DCC: variants seen among roughly 807,000 people sequenced by gnomAD.
The protein encoded by DCC is netrin receptor DCC.
In DCC, 58 loss-of-function variants were observed where a neutral mutation model predicts 172.5. That is an observed-to-expected ratio of 0.34 (90% confidence interval 0.27 to 0.42). DCC has a LOEUF of 0.42. Ranked by LOEUF, DCC falls within the 10% of genes least tolerant of loss-of-function variation. The pLI is 1.00. For synonymous variants in DCC, 709 were observed against 644.5 expected (o/e 1.10, Z -1.52); for missense variants, 1,740 against 1,791.0 (o/e 0.97, Z 0.51).
intron 1 of DCC, among the ~76,000 whole-genome samples, chr18:52,579,621 A>G (rs866774571): frequency 1.6e-4 from 24 of 152,232 alleles, no homozygotes; most frequent in African/African-American, 5.1e-4. Flanking sequence ...CTTATAAACC[A>G]AGAAACCAAG....
At chr18:52,488,879 G>A (rs1471567343) in intron 1 of DCC, among the ~76,000 whole-genome samples, 1 of 151,986 alleles carries the variant, frequency 6.6e-6, no homozygotes, top group Non-Finnish European at 1.5e-5. Context: ...CAGAGATTTG[G>A]TTCAATATAG....
At chr18:52,467,470 G>A (rs1395147141) in intron 1 of DCC, among the ~76,000 whole-genome samples, 4 of 151,956 alleles carry the variant, frequency 2.6e-5, no homozygotes, top group African/African-American at 4.8e-5. Context: ...GGGTTGATTC[G>A]AAGTCTTTGC....
intron 1 of DCC, among the ~76,000 whole-genome samples, chr18:52,527,879 C>T (rs1234182328): frequency 6.6e-6 from 1 of 152,204 alleles, no homozygotes; most frequent in Non-Finnish European, 1.5e-5. Context: ...GGGAGAGCAA[C>T]TGGTCAGATC....
chr18:52,660,133 C>T (rs1457647715), intron 1 of DCC, among the ~76,000 whole-genome samples: 2 of 152,088 alleles, frequency 1.3e-5, no homozygotes, highest in Admixed American at 6.6e-5. Flanking sequence ...CATGCCACCC[C>T]TTTATTTGGT....
intron 5 of DCC, among the ~76,000 whole-genome samples, chr18:53,044,817 A>G (rs2042214761): frequency 6.6e-6 from 1 of 151,894 alleles, no homozygotes; most frequent in Non-Finnish European, 1.5e-5. Flanking sequence ...TAGTAGAAAG[A>G]GTATTCATAT....
chr18:52,736,541 G>T lies in DCC; in HGVS notation c.92-15513G>T, dbSNP rs141837777. ...CATTTTTCATACTGTTTTTTGAACT[G>T]CAGAGAAAAAAAGTTGAAAGGGAAA... is the stretch of plus-strand genomic sequence containing the variant. On this transcript the variant is annotated intron_variant, in intron 1 of 28. Transcript: ENST00000442544. Among the ~76,000 whole-genome samples the T allele has an allele frequency of 7.2e-5, 11 of 152,078 alleles. No individual in the cohort carries two copies. In the East Asian group the frequency reaches 2.1e-3, roughly 29 times the overall value.
At chr18:53,525,592 T>A (rs1369677220) in intron 27 of DCC, among the ~76,000 whole-genome samples, 1 of 152,122 alleles carries the variant, frequency 6.6e-6, no homozygotes, top group Non-Finnish European at 1.5e-5. Flanking sequence ...TTCCTTCAGA[T>A]GACTCCTATT....
At position 52,548,972 on chromosome 18, in the gene DCC, C is replaced by A. The variant is rs551989557; in HGVS notation, c.92-203082C>A. 1.1e-4 allele frequency among the ~76,000 whole-genome samples: 16 copies of A among 152,200 alleles called. No homozygotes were observed. In the East Asian group the frequency reaches 2.9e-3, roughly 28 times the overall value. ...CTTGGATCTAAATATCCCTGCACTG[C>A]ATTCTTCCTACACATATTTCCCTTT... On this transcript the variant is annotated intron_variant, in intron 1 of 28. Transcript: ENST00000442544.
chr18:53,325,586 A>G (rs1305184014), intron 14 of DCC, among the ~76,000 whole-genome samples: 1 of 152,224 alleles, frequency 6.6e-6, no homozygotes, highest in Non-Finnish European at 1.5e-5. Flanking sequence ...AATGCAGTCT[A>G]ACTGTAATCC....
intron 1 of DCC, among the ~76,000 whole-genome samples, chr18:52,445,009 A>G (rs1988078113): frequency 6.6e-6 from 1 of 152,176 alleles, no homozygotes; most frequent in Admixed American, 6.6e-5. Context: ...TAATTTACAA[A>G]AGCAATGCAT....
chr18:53,017,232 T>G (rs2041821348), intron 5 of DCC, among the ~76,000 whole-genome samples: 1 of 151,996 alleles, frequency 6.6e-6, no homozygotes, highest in African/African-American at 2.4e-5. Context: ...CCCGCCAAAG[T>G]TGGGTGAAGG....
chr18:53,310,190 C>T (rs1306309682), intron 13 of DCC, among the ~76,000 whole-genome samples: 1 of 151,950 alleles, frequency 6.6e-6, no homozygotes, highest in Non-Finnish European at 1.5e-5. Flanking sequence ...GCGCTACATA[C>T]TTGTAGATTG....
At position 53,305,615 on chromosome 18, in the gene DCC, C is replaced by T; in HGVS notation, c.1949C>T (p.Thr650Ile). Residue 650 changes from threonine (T) to isoleucine (I), a missense_variant, in exon 13 of 29, where the codon ACA becomes ATA. Physicochemically the swap from Thr to Ile is moderately conservative, Grantham distance 89. Transcript: ENST00000442544. The stretch of plus-strand genomic sequence containing the variant: ...AGCTGGCTGCCTCCTCCATCAGGAA[C>T]ACAAAATGGATTTATTACCGGCTAT... ...KVSWLPPPSG[T>I]QNGFITGYKI... The T allele has an allele frequency of 1.2e-6, 2 of 1,613,220 alleles. No individual in the cohort carries two copies. Among genetic ancestry groups the T allele is most frequent in the Non-Finnish European group, 1.7e-6 (2 of 1,179,202 alleles).
rs771744666 is a variant in DCC, at chr18:52,752,414, CTCT to C, written c.412+48_412+50del. On this transcript the variant is annotated intron_variant, in intron 2 of 28. Coordinates refer to ENST00000442544, the MANE Select transcript of DCC (RefSeq NM_005215.4). The stretch of plus-strand genomic sequence containing the variant: ...CCTTCTCTTCCTCCTCCTCCTTCCT[CTCT>C]TCTTCTTATTCATTTTTGGGGATGA... 2.8e-5 allele frequency: 40 copies of C among 1,447,962 alleles called. No individual in the cohort carries two copies. The African/African-American group carries it at 2.9e-4, about 11-fold the overall frequency. The allele number at this position is 1,447,962 out of a possible 1,614,324, so 89.7% of individuals were successfully genotyped here.
intron 12 of DCC, among the ~76,000 whole-genome samples, chr18:53,283,012 A>G (rs1221635740): frequency 6.6e-6 from 1 of 152,222 alleles, no homozygotes; most frequent in Non-Finnish European, 1.5e-5. Flanking sequence ...ATAATGAGCA[A>G]AAGAATAAAA....
chr18:52,935,136 A>G lies in DCC; in HGVS notation c.985+9766A>G, dbSNP rs116170722. 2.1e-3 allele frequency among the ~76,000 whole-genome samples: 316 copies of G among 152,260 alleles called. 1 individual carries two copies. The highest frequency in any genetic ancestry group is 7.2e-3 in the African/African-American group (300 of 41,570). On this transcript the variant is annotated intron_variant, in intron 5 of 28. Coordinates refer to ENST00000442544, the MANE Select transcript of DCC (RefSeq NM_005215.4). The stretch of plus-strand genomic sequence containing the variant: ...CTTATATTATCAACATTGCTTACAT[A>G]TTGGTAGCACAAATAATCTTAGATT...
chr18:53,499,581 G>T (rs1464988040), intron 27 of DCC, 71 bp downstream of exon 27: 11 of 1,220,760 alleles, frequency 9.0e-6, no homozygotes, highest in Non-Finnish European at 1.3e-5. Context: ...GCATGAGGGT[G>T]CTTGAGAAGG....
chr18:53,091,887 A>G (rs1352073008), intron 7 of DCC, among the ~76,000 whole-genome samples: 1 of 151,434 alleles, frequency 6.6e-6, no homozygotes, highest in Admixed American at 6.6e-5. Context: ...CTACATAAAT[A>G]TGTCTTTAAA....
At chr18:53,124,848 T>C (rs1004906310) in intron 7 of DCC, among the ~76,000 whole-genome samples, 1 of 151,830 alleles carries the variant, frequency 6.6e-6, no homozygotes, top group African/African-American at 2.4e-5. Context: ...CACATGCCTG[T>C]AGTCCCAGCT....
Sources: gnomAD v4.1 joint callset for allele counts (sites outside exome capture counted in the v4.1 genomes callset) on GRCh38, gnomAD v4.1.1 for gene constraint, MANE v1.5 for transcripts, NCBI Gene and HGNC (gene_info 2026-07-23, HGNC 2026-07-21) for gene names.